The following GABPB2 variants were observed in gnomAD, a reference collection of about 807,000 sequenced individuals.
GABPB2 encodes the protein GA-binding protein subunit beta-2.
In GABPB2, 23 loss-of-function variants were observed where a neutral mutation model predicts 39.1. The ratio of observed to expected loss-of-function variants is 0.59; its 90% CI spans 0.42 to 0.83. GABPB2 has a LOEUF of 0.83. GABPB2 is among the 40% of genes least tolerant of loss of function. The pLI is 0.00. For synonymous variants in GABPB2, 184 were observed against 199.3 expected, an observed-to-expected ratio of 0.92 and a Z score of 0.65; for missense variants, 467 against 541.1, an observed-to-expected ratio of 0.86 and a Z score of 1.36.
chr1:151,083,655 TTATATA>T (rs57774210), intron 1 of GABPB2, among the ~76,000 whole-genome samples: 7 of 145,582 alleles, frequency 4.8e-5, no homozygotes, highest in African/African-American at 1.9e-4. Flanking sequence ...AAAAAAAAAA[TTATATA>T]TATATATATG....
chr1:151,104,654 C>A (rs757424448), intron 6 of GABPB2, among the ~76,000 whole-genome samples: 2 of 152,020 alleles, frequency 1.3e-5, no homozygotes, highest in Non-Finnish European at 2.9e-5. Flanking sequence ...TTTAACTGTT[C>A]TTTGTTTCTA....
At chr1:151,107,421 TAAAA>T (rs1457262380) in intron 7 of GABPB2, among the ~76,000 whole-genome samples, 199 bp downstream of exon 7, 1 of 151,238 alleles carries the variant, frequency 6.6e-6, no homozygotes, top group Non-Finnish European at 1.5e-5. Context: ...AAATCTGTAG[TAAAA>T]ACCAGTTGAT....
In GABPB2 at chr1:151,124,465, T is replaced by C. The variant is rs1041080956; in HGVS notation, c.*6209T>C. 3.3e-5 allele frequency: 5 copies of C among 150,664 alleles called. No individual in the cohort carries two copies. Among genetic ancestry groups the C allele is most frequent in the East Asian group, 3.9e-4 (2 of 5,134 alleles). The allele number at this position is 150,664 out of a possible 1,614,324, so 9.3% of individuals were successfully genotyped here. A position where few individuals can be genotyped will look rare whatever the true frequency, so the allele number is the denominator to read the frequency against. On this transcript the variant is annotated 3_prime_UTR_variant, in exon 9 of 9. Transcript: ENST00000368918. ...CCCAGCCTCTTTTTTTTTTTTTTTT[T>C]CTCACCAGTATGATGATGACCATTT...
chr1:151,112,862 C>T (rs1288668890), intron 7 of GABPB2: 1 of 152,178 alleles, frequency 6.6e-6, no homozygotes, highest in Non-Finnish European at 1.5e-5. Flanking sequence ...TCTCTGCCTC[C>T]CAGGTTCAAG....
intron 5 of GABPB2, among the ~76,000 whole-genome samples, chr1:151,103,016 G>C (rs901311044): frequency 8.6e-5 from 13 of 151,268 alleles, no homozygotes; most frequent in African/African-American, 2.7e-4. Flanking sequence ...TTAAATGAGG[G>C]GAATGTAGTG....
intron 5 of GABPB2, 110 bp downstream of exon 5, chr1:151,098,112 G>A: frequency 1.1e-6 from 1 of 886,244 alleles, no homozygotes; most frequent in East Asian, 2.6e-5. Flanking sequence ...TTAAAATATT[G>A]CCAAAGCAGA....
chr1:151,103,044 C>CTTTTT (rs376522230), intron 5 of GABPB2, among the ~76,000 whole-genome samples: 6 of 88,236 alleles, frequency 6.8e-5, no homozygotes, highest in Non-Finnish European at 1.0e-4. Flanking sequence ...ACAAAGTATA[C>CTTTTT]TTTTTTTTTT....
chr1:151,087,852 T>G (rs74125087), intron 1 of GABPB2, among the ~76,000 whole-genome samples: 3,700 of 152,270 alleles, frequency 0.024, 102 homozygotes, highest in African/African-American at 0.073. Context: ...TTTTATATTA[T>G]GTTCCTTAAA....
In GABPB2 at chr1:151,122,708, A is replaced by G. The variant is rs2101586638; in HGVS notation, c.*4452A>G. 1 of 152,126 alleles carries G rather than the reference A, an allele frequency of 6.6e-6. No homozygotes were observed. Among genetic ancestry groups the G allele is most frequent in the East Asian group, 1.9e-4 (1 of 5,168 alleles). The allele number at this position is 152,126 out of a possible 1,614,324, so 9.4% of individuals were successfully genotyped here. On this transcript the variant is annotated 3_prime_UTR_variant, in exon 9 of 9. Transcript: ENST00000368918. ...CACCACTTTTTTGGGGGAATTCTTT[A>G]GCAGATCTTATTGTTCTTTCTGCAG...
chr1:151,087,134 C>T (rs968567258), intron 1 of GABPB2, among the ~76,000 whole-genome samples: 4 of 151,808 alleles, frequency 2.6e-5, no homozygotes, highest in African/African-American at 4.8e-5. Flanking sequence ...GGATTACAGG[C>T]GTGAGCCACC....
chr1:151,072,678 T>G (rs1452695513), intron 1 of GABPB2, among the ~76,000 whole-genome samples: 5 of 151,806 alleles, frequency 3.3e-5, no homozygotes, highest in Non-Finnish European at 7.4e-5. Flanking sequence ...AAACCCCATT[T>G]CTACTAAAAA....
intron 1 of GABPB2, among the ~76,000 whole-genome samples, chr1:151,080,966 G>T (rs188594610): frequency 0.047 from 7,072 of 150,332 alleles, 217 homozygotes; most frequent in Non-Finnish European, 0.074. Flanking sequence ...TCTGCCTCCC[G>T]GGTTCACGCC....
At chr1:151,085,283 G>C (rs770506753) in intron 1 of GABPB2, among the ~76,000 whole-genome samples, 2 of 151,926 alleles carry the variant, frequency 1.3e-5, no homozygotes, top group Non-Finnish European at 2.9e-5. Context: ...TGTAATTCCA[G>C]ATACTTGGGA....
At chr1:151,074,218 T>A (rs1265758981) in intron 1 of GABPB2, among the ~76,000 whole-genome samples, 1 of 150,414 alleles carries the variant, frequency 6.6e-6, no homozygotes, top group South Asian at 2.1e-4. Flanking sequence ...CTCGTGATTC[T>A]CCCGCCTCAG....
At position 151,125,138 on chromosome 1, in the gene GABPB2, C is replaced by T. The variant is rs1681326800; in HGVS notation, c.*6882C>T. On this transcript the variant is annotated 3_prime_UTR_variant, in exon 9 of 9. Transcript: ENST00000368918. ...AGGTGGTTTGTTTCTGAAAGTTAAT[C>T]TAGGTCACCTTCTATATCCTGTGCT... The T allele has an allele frequency of 6.6e-6, 1 of 152,152 alleles. No homozygotes were observed. Among genetic ancestry groups the T allele is most frequent in the Non-Finnish European group, 1.5e-5 (1 of 68,034 alleles). 9.4% of individuals were successfully genotyped at this position (152,152 alleles called of 1,614,324 possible). A position where few individuals can be genotyped will look rare whatever the true frequency, so the allele number is the denominator to read the frequency against.
chr1:151,099,896 C>T (rs1229128725), intron 5 of GABPB2, among the ~76,000 whole-genome samples: 1 of 152,144 alleles, frequency 6.6e-6, no homozygotes, highest in Non-Finnish European at 1.5e-5. Context: ...TTTCAAGGTC[C>T]ATTTTATAGT....
chr1:151,092,757 T>C (rs1202688724), intron 3 of GABPB2, among the ~76,000 whole-genome samples: 1 of 152,078 alleles, frequency 6.6e-6, no homozygotes. Context: ...GAATTTTTTG[T>C]AGAGGCATGT....
chr1:151,071,041 T>C (rs1008914843), intron 1 of GABPB2, 107 bp downstream of exon 1: 6 of 151,786 alleles, frequency 4.0e-5, no homozygotes, highest in Admixed American at 3.9e-4. Flanking sequence ...GACTTCTGGG[T>C]GCAGACCTCG....
intron 6 of GABPB2, among the ~76,000 whole-genome samples, chr1:151,105,873 T>C (rs1245102011): frequency 6.6e-6 from 1 of 152,178 alleles, no homozygotes; most frequent in East Asian, 1.9e-4. Context: ...CTTCAATATT[T>C]TGACTACTTC....
Sources: allele counts gnomAD v4.1 joint callset (sites outside exome capture counted in the v4.1 genomes callset), GRCh38; gene constraint gnomAD v4.1.1; transcripts MANE v1.5; gene names NCBI Gene and HGNC (gene_info 2026-07-23, HGNC 2026-07-21).